The following KAZN variants were observed in gnomAD, a reference collection of about 807,000 sequenced individuals.
KAZN encodes the protein kazrin, periplakin interacting protein.
A neutral mutation model predicts 87.4 loss-of-function variants in KAZN; 40 were observed. That is an observed-to-expected ratio of 0.46 (90% confidence interval 0.36 to 0.60). The LOEUF (loss-of-function observed/expected upper bound fraction) is 0.60. Among genes scored for constraint, KAZN ranks in the 20% least tolerant of loss-of-function variants. The pLI is 0.00. For missense variants in KAZN, 898 were observed against 1,073.9 expected (o/e 0.84, Z 2.29); for synonymous variants, 466 against 458.3 (o/e 1.02, Z -0.22).
intron 2 of KAZN, among the ~76,000 whole-genome samples, chr1:15,014,435 C>T (rs763315073): frequency 3.3e-5 from 5 of 152,094 alleles, no homozygotes; most frequent in East Asian, 1.9e-4. Flanking sequence ...CATTGCTGCT[C>T]CTGTTGGTTT....
At position 15,056,258 on chromosome 1, in the gene KAZN, C is replaced by T. The variant is rs1196665810; in HGVS notation, c.894C>T (p.Pro298=). Residue 298 remains proline, a synonymous_variant, in exon 5 of 15, where the codon CCC becomes CCT. Transcript: ENST00000376030. This position sits in a 1 kb window ranked among gnomAD's most constrained non-coding sequence, Gnocchi z 5.4. ...QSQQTLYHSH[P]PHPADRQAVR... Reference sequence around the variant, plus strand: ...AACAGACTCTCTACCACTCACACCCCCCTCACCCTGCGGACCGGCAAGGTG... The same window carrying T: ...AACAGACTCTCTACCACTCACACCCTCCTCACCCTGCGGACCGGCAAGGTG... The T allele has an allele frequency of 1.2e-6, 2 of 1,608,990 alleles. No homozygotes were observed. The highest frequency in any genetic ancestry group is 2.2e-5 in the South Asian group (2 of 90,944).
intron 2 of KAZN, among the ~76,000 whole-genome samples, chr1:14,572,934 C>T (rs1674959711): frequency 6.6e-6 from 1 of 152,136 alleles, no homozygotes; most frequent in Non-Finnish European, 1.5e-5. Flanking sequence ...TGAGTCAAGA[C>T]AATAAAGAAA....
intron 13 of KAZN, among the ~76,000 whole-genome samples, chr1:15,108,028 T>A (rs944497182): frequency 6.6e-6 from 1 of 152,156 alleles, no homozygotes; most frequent in Admixed American, 6.5e-5. Flanking sequence ...AGTAGCTGCA[T>A]AGGAGTCCCC....
At chr1:14,063,930 CTG>C (rs1642896946) in intron 1 of KAZN, among the ~76,000 whole-genome samples, 1 of 149,786 alleles carries the variant, frequency 6.7e-6, no homozygotes, top group Non-Finnish European at 1.5e-5. Flanking sequence ...CCATGTGGAA[CTG>C]TGAATCTACG....
chr1:14,895,327 G>A (rs943588775), intron 1 of KAZN, among the ~76,000 whole-genome samples: 1 of 152,242 alleles, frequency 6.6e-6, no homozygotes, highest in Non-Finnish European at 1.5e-5. Flanking sequence ...TGCCAGCCAG[G>A]AAACGCAGAC....
intron 1 of KAZN, among the ~76,000 whole-genome samples, chr1:14,127,422 G>T (rs1259777827): frequency 1.4e-5 from 2 of 143,270 alleles, no homozygotes; most frequent in African/African-American, 2.6e-5. Context: ...TTTGGTCTGA[G>T]TGTGTGTTCT....
intron 7 of KAZN, among the ~76,000 whole-genome samples, chr1:15,064,577 C>T (rs565131425): frequency 3.3e-5 from 5 of 152,342 alleles, no homozygotes; most frequent in African/African-American, 4.8e-5. Context: ...TGTTTTCCCA[C>T]GTCACAGACA....
chr1:14,368,579 A>C (rs1178289329), intron 2 of KAZN, among the ~76,000 whole-genome samples: 2 of 152,204 alleles, frequency 1.3e-5, no homozygotes, highest in Non-Finnish European at 2.9e-5. Flanking sequence ...GCTCAGATGC[A>C]GAATGTGGGG....
intron 1 of KAZN, among the ~76,000 whole-genome samples, chr1:13,951,984 C>A (rs1641364608): frequency 6.6e-6 from 1 of 152,152 alleles, no homozygotes; most frequent in African/African-American, 2.4e-5. Flanking sequence ...AAATCTTGAA[C>A]CAGGTCAGGC....
chr1:14,581,413 T>A (rs1163682943), intron 2 of KAZN, among the ~76,000 whole-genome samples: 5 of 152,160 alleles, frequency 3.3e-5, no homozygotes, highest in Admixed American at 2.6e-4. Context: ...TTCCATACTC[T>A]ACCTCTCGAC....
chr1:15,100,223 A>G (rs1258596556), intron 10 of KAZN, among the ~76,000 whole-genome samples: 2 of 152,104 alleles, frequency 1.3e-5, no homozygotes, highest in East Asian at 3.9e-4. Flanking sequence ...AGGGAAGAGG[A>G]GCCCATTGTA....
intron 1 of KAZN, among the ~76,000 whole-genome samples, chr1:14,900,216 C>T (rs1043845592): frequency 5.9e-5 from 9 of 152,158 alleles, no homozygotes; most frequent in East Asian, 1.9e-4. Context: ...TTCTGATTCC[C>T]GCTCAGAACT....
At chr1:14,109,812 A>G (rs1360705222) in intron 1 of KAZN, among the ~76,000 whole-genome samples, 1 of 83,284 alleles carries the variant, frequency 1.2e-5, no homozygotes, top group Non-Finnish European at 2.5e-5. Flanking sequence ...CCTTATCAAA[A>G]CGATTTCAGC....
chr1:14,274,459 C>G (rs1652194609), intron 2 of KAZN, among the ~76,000 whole-genome samples: 1 of 152,162 alleles, frequency 6.6e-6, no homozygotes, highest in African/African-American at 2.4e-5. Context: ...AAATGGTGGT[C>G]CTGATTCTGA....
chr1:13,912,126 A>G (rs1389018781), intron 1 of KAZN, among the ~76,000 whole-genome samples: 1 of 152,216 alleles, frequency 6.6e-6, no homozygotes, highest in African/African-American at 2.4e-5. Flanking sequence ...CACAAAGACC[A>G]GTGCTCACGA....
intron 1 of KAZN, among the ~76,000 whole-genome samples, chr1:14,891,162 A>C (rs1490979818): frequency 2.0e-5 from 3 of 152,022 alleles, no homozygotes; most frequent in African/African-American, 7.3e-5. Context: ...TATTTCTAAA[A>C]ATTTATTGTT....
At chr1:14,821,514 GAA>G (rs756026320) in intron 1 of KAZN, among the ~76,000 whole-genome samples, 1 of 130,928 alleles carries the variant, frequency 7.6e-6, no homozygotes, top group African/African-American at 2.8e-5. Context: ...CTCCACCTCT[GAA>G]AAAAAAAAAA....
chr1:14,123,688 C>G (rs993858142), intron 1 of KAZN, among the ~76,000 whole-genome samples: 13 of 152,312 alleles, frequency 8.5e-5, no homozygotes, highest in Admixed American at 8.5e-4. Flanking sequence ...TGCAGCCTCC[C>G]TTCAAGTTCT....
chr1:14,391,881 A>G (rs192815889), intron 2 of KAZN, among the ~76,000 whole-genome samples: 1 of 151,382 alleles, frequency 6.6e-6, no homozygotes, highest in Non-Finnish European at 1.5e-5. Context: ...TTCCTTTTTC[A>G]CTCCTCACAA....
Sources: gnomAD v4.1 joint callset for allele counts (sites outside exome capture counted in the v4.1 genomes callset) on GRCh38, gnomAD v4.1.1 for gene constraint, Gnocchi (gnomAD v3.1) non-coding constraint, MANE v1.5 for transcripts, NCBI Gene and HGNC (gene_info 2026-07-23, HGNC 2026-07-21) for gene names.